The following ITPK1 variants were observed in gnomAD, a reference collection of about 807,000 sequenced individuals.
ITPK1 encodes inositol-tetrakisphosphate 1-kinase.
ITPK1 carries 21 observed loss-of-function variants against 45.3 expected under a neutral mutation model. The observed-to-expected ratio is 0.46, with a 90% confidence interval of 0.33 to 0.67. The LOEUF (loss-of-function observed/expected upper bound fraction) is 0.67, where lower values mean the gene tolerates loss of function less well. Ranked by LOEUF, ITPK1 falls within the 30% of genes least tolerant of loss-of-function variation. The pLI, the probability that ITPK1 is intolerant of heterozygous loss-of-function variation, is 0.02. For missense variants in ITPK1, 474 were observed against 573.5 expected (o/e 0.83, Z 1.77); for synonymous variants, 258 against 253.6 (o/e 1.02, Z -0.16).
Position 92,938,240 on chromosome 14 carries a change from G to A in ITPK1, c.*3321C>T, listed in dbSNP as rs1887205375. ...CCCTAAGTGCTGGGATGACAGGCGT[G>A]AGCCGCCATGCCCGGCCAGAGTTTC... On this transcript the variant is annotated 3_prime_UTR_variant, in exon 11 of 11. Transcript: ENST00000267615. 4.6e-5 allele frequency: 27 copies of A among 584,938 alleles called. 1 individual carries two copies. The South Asian group carries it at 5.5e-4, about 12-fold the overall frequency. The allele number at this position is 584,938 out of a possible 1,614,324, so 36.2% of individuals were successfully genotyped here. A position where few individuals can be genotyped will look rare whatever the true frequency, so the allele number is the denominator to read the frequency against.
intron 4 of ITPK1, among the ~76,000 whole-genome samples, chr14:93,003,066 C>T (rs528780587): frequency 6.6e-6 from 1 of 152,206 alleles, no homozygotes; most frequent in African/African-American, 2.4e-5. Context: ...GGGGGAAGAG[C>T]GTGTCAGGGC....
At chr14:93,086,068 A>C (rs1009649786) in intron 2 of ITPK1, among the ~76,000 whole-genome samples, 27 of 152,182 alleles carry the variant, frequency 1.8e-4, no homozygotes, top group Admixed American at 2.0e-4. Flanking sequence ...AATCCCAAGA[A>C]TGCAAAGTCA....
In ITPK1 at chr14:93,016,774, G is replaced by T; in HGVS notation, c.148C>A (p.Gln50Lys). ...TGGATGATGACGTCCAGGGGGCCCTGCTCCTCGATCGGCCGGCTAAGGTTC... is the reference window on the plus strand; with the variant it reads ...TGGATGATGACGTCCAGGGGGCCCTTCTCCTCGATCGGCCGGCTAAGGTTC... ...QLNLSRPIEE[Q>K]GPLDVIIHKL... Residue 50 changes from glutamine to lysine, a missense_variant, in exon 4 of 11, where the codon CAG becomes AAG. Transcript: ENST00000267615. The surrounding 1 kb of genome is among the most constrained non-coding windows in gnomAD (Gnocchi z 5.0). 5 of 1,614,068 alleles carry T rather than the reference G, an allele frequency of 3.1e-6. No individual in the cohort carries two copies. Among genetic ancestry groups the T allele is most frequent in the Non-Finnish European group, 4.2e-6 (5 of 1,179,986 alleles).
At chr14:93,108,019 C>T (rs1326656371) in intron 2 of ITPK1, among the ~76,000 whole-genome samples, 2 of 152,194 alleles carry the variant, frequency 1.3e-5, no homozygotes, top group South Asian at 2.1e-4. Context: ...GGGGAGCACT[C>T]GGCTTGGAGC....
Position 92,940,360 on chromosome 14 carries a change from G to C in ITPK1, c.*1201C>G. 1.0e-6 allele frequency: 1 copy of C among 1,004,442 alleles called. No individual in the cohort carries two copies. The highest frequency in any genetic ancestry group is 4.1e-5 in the South Asian group (1 of 24,502). The allele number at this position is 1,004,442 out of a possible 1,614,324, so 62.2% of individuals were successfully genotyped here. A position where few individuals can be genotyped will look rare whatever the true frequency, so the allele number is the denominator to read the frequency against. The stretch of plus-strand genomic sequence containing the variant: ...TCTCCCCAACCCTTTTCTCTGCAGA[G>C]GGGGCTGCCTGGATCAGGGGTCAGA... On this transcript the variant is annotated 3_prime_UTR_variant, in exon 11 of 11. Coordinates refer to ENST00000267615, the MANE Select transcript of ITPK1 (RefSeq NM_014216.6).
At chr14:93,072,846 C>T (rs1387932553) in intron 3 of ITPK1, among the ~76,000 whole-genome samples, 1 of 152,148 alleles carries the variant, frequency 6.6e-6, no homozygotes. Flanking sequence ...AACTCATGAG[C>T]TCAAGCAATC....
rs183938984 is a variant in ITPK1, at chr14:93,101,030, G to A, written c.95+14039C>T. On this transcript the variant is annotated intron_variant, in intron 2 of 10. Transcript: ENST00000267615. ...GAGAGCATCCCAAATCCAAAGAATT[G>A]GTTCCTGTCACATTCCCAGCAAGGT... Among the ~76,000 whole-genome samples the A allele has an allele frequency of 6.3e-4, 96 of 152,260 alleles. 1 individual carries two copies. The highest frequency in any genetic ancestry group is 2.1e-3 in the African/African-American group (86 of 41,542).
At chr14:93,054,319 T>C (rs1006082162) in intron 3 of ITPK1, among the ~76,000 whole-genome samples, 1 of 152,142 alleles carries the variant, frequency 6.6e-6, no homozygotes, top group Non-Finnish European at 1.5e-5. Flanking sequence ...TGACAGAAAC[T>C]GGAGCCCATG....
chr14:93,105,518 G>A (rs1892484242), intron 2 of ITPK1, among the ~76,000 whole-genome samples: 2 of 117,736 alleles, frequency 1.7e-5, no homozygotes, highest in Admixed American at 1.1e-4. Context: ...CAGTGCCCCT[G>A]GAGCTTTTTT....
At chr14:93,112,600 CG>C (rs1047104066) in intron 2 of ITPK1, among the ~76,000 whole-genome samples, 9 of 151,970 alleles carry the variant, frequency 5.9e-5, no homozygotes, top group African/African-American at 2.2e-4. Context: ...CCATCATGCC[CG>C]GCTAATTTTT....
chr14:92,970,168 G>T (rs1355482437), intron 5 of ITPK1, among the ~76,000 whole-genome samples: 1 of 152,216 alleles, frequency 6.6e-6, no homozygotes, highest in African/African-American at 2.4e-5. Flanking sequence ...AGGACAACAG[G>T]GGTGGAGGGA....
intron 2 of ITPK1, among the ~76,000 whole-genome samples, chr14:93,094,924 C>T (rs1308278964): frequency 6.6e-6 from 1 of 152,254 alleles, no homozygotes; most frequent in East Asian, 1.9e-4. Flanking sequence ...GGCTTGCCCG[C>T]TTTCTCCACT....
chr14:92,940,186 C>G lies in ITPK1; in HGVS notation c.*1375G>C. On this transcript the variant is annotated 3_prime_UTR_variant, in exon 11 of 11. Coordinates refer to ENST00000267615, the MANE Select transcript of ITPK1 (RefSeq NM_014216.6). ...TCTCTCGGGACACTCAGCACTTTCT[C>G]TAGCGTCCTCCATCTCACTGGGCAG... is the stretch of plus-strand genomic sequence containing the variant. 1 of 985,854 alleles carries G rather than the reference C, an allele frequency of 1.0e-6. No homozygotes were observed. The highest frequency in any genetic ancestry group is 1.2e-6 in the Non-Finnish European group (1 of 830,222). The allele number at this position is 985,854 out of a possible 1,614,324, so 61.1% of individuals were successfully genotyped here.
intron 5 of ITPK1, among the ~76,000 whole-genome samples, chr14:92,978,285 C>T (rs1886048268): frequency 6.6e-6 from 1 of 151,872 alleles, no homozygotes; most frequent in South Asian, 2.1e-4. Flanking sequence ...CTTCTAAAAG[C>T]CTATGCTCAT....
At chr14:93,064,329 C>T (rs928934993) in intron 3 of ITPK1, among the ~76,000 whole-genome samples, 3 of 152,178 alleles carry the variant, frequency 2.0e-5, no homozygotes, top group Admixed American at 1.3e-4. Context: ...CTCACTATGT[C>T]GCCCAGGCTG....
intron 2 of ITPK1, among the ~76,000 whole-genome samples, chr14:93,114,299 C>A (rs901690332): frequency 6.6e-6 from 1 of 152,228 alleles, no homozygotes; most frequent in Non-Finnish European, 1.5e-5. Context: ...CCGGAGACTC[C>A]GCCAAGGAGC....
intron 3 of ITPK1, among the ~76,000 whole-genome samples, chr14:93,030,593 G>A (rs1412528148): frequency 1.3e-5 from 2 of 152,156 alleles, no homozygotes; most frequent in East Asian, 3.9e-4. Context: ...GTGGGAGACA[G>A]ACAACAAACA....
intron 10 of ITPK1, among the ~76,000 whole-genome samples, chr14:92,942,258 G>C (rs922349023): frequency 6.6e-6 from 1 of 152,148 alleles, no homozygotes; most frequent in African/African-American, 2.4e-5. Context: ...ATGTGCAGGG[G>C]ATGTTGGCGT....
intron 2 of ITPK1, among the ~76,000 whole-genome samples, chr14:93,106,843 C>A (rs1398535755): frequency 1.3e-5 from 2 of 152,296 alleles, no homozygotes; most frequent in Middle Eastern, 3.4e-3. Flanking sequence ...CCATCTCCCC[C>A]ACCCCTGGGG....
Sources: gnomAD v4.1 joint callset for allele counts (sites outside exome capture counted in the v4.1 genomes callset) on GRCh38, gnomAD v4.1.1 for gene constraint, Gnocchi (gnomAD v3.1) non-coding constraint, MANE v1.5 for transcripts, NCBI Gene and HGNC (gene_info 2026-07-23, HGNC 2026-07-21) for gene names.